LRP12: variants seen among roughly 807,000 people sequenced by gnomAD.
LRP12 encodes low-density lipoprotein receptor-related protein 12.
Under a neutral mutation model 66.0 loss-of-function variants are expected in LRP12, and 14 were observed. The ratio of observed to expected loss-of-function variants is 0.21; its 90% CI spans 0.14 to 0.33. The LOEUF (loss-of-function observed/expected upper bound fraction) is 0.33, where lower values mean the gene tolerates loss of function less well. Ranked by LOEUF, LRP12 falls within the 10% of genes least tolerant of loss-of-function variation. LRP12 has a pLI of 1.00. For missense variants in LRP12, 889 were observed against 1,053.4 expected (o/e 0.84, Z 2.16); for synonymous variants, 357 against 359.1 (o/e 0.99, Z 0.07).
intron 6 of LRP12, among the ~76,000 whole-genome samples, chr8:104,492,557 C>T (rs1406054144): frequency 1.3e-5 from 2 of 152,114 alleles, no homozygotes; most frequent in African/African-American, 4.8e-5. Flanking sequence ...AAAACTCACA[C>T]CTCTTCCCTT....
At chr8:104,565,875 T>C (rs1335054111) in intron 1 of LRP12, among the ~76,000 whole-genome samples, 7 of 114,234 alleles carry the variant, frequency 6.1e-5, no homozygotes, top group African/African-American at 1.9e-4. Context: ...AAAAAAAAAA[T>C]ACACACACAC....
intron 2 of LRP12, among the ~76,000 whole-genome samples, chr8:104,509,510 T>C (rs1406994478): frequency 6.6e-6 from 1 of 152,180 alleles, no homozygotes; most frequent in Non-Finnish European, 1.5e-5. Context: ...TACCCACCCA[T>C]TAGTTACTTA....
chr8:104,556,059 T>C (rs1265876602), intron 1 of LRP12, among the ~76,000 whole-genome samples: 3 of 152,150 alleles, frequency 2.0e-5, no homozygotes, highest in Admixed American at 1.3e-4. Flanking sequence ...TCCTGAATGA[T>C]AATTGGGTCA....
intron 3 of LRP12, chr8:104,504,951 A>T (rs1810883568): frequency 6.6e-6 from 1 of 152,176 alleles, no homozygotes; most frequent in African/African-American, 2.4e-5. Context: ...ATTACAATGG[A>T]TGTTAATCTT....
intron 1 of LRP12, among the ~76,000 whole-genome samples, chr8:104,586,507 A>T (rs1369917254): frequency 2.6e-5 from 4 of 152,198 alleles, no homozygotes; most frequent in Non-Finnish European, 5.9e-5. Context: ...ACACACACAC[A>T]CTTTTTACTG....
At chr8:104,513,538 G>T (rs754196302) in intron 2 of LRP12, among the ~76,000 whole-genome samples, 1 of 152,094 alleles carries the variant, frequency 6.6e-6, no homozygotes, top group Non-Finnish European at 1.5e-5. Context: ...CAGAAACCAT[G>T]CTAGCAGGAA....
intron 2 of LRP12, among the ~76,000 whole-genome samples, chr8:104,529,638 C>T (rs1442096829): frequency 6.6e-6 from 1 of 152,170 alleles, no homozygotes; most frequent in African/African-American, 2.4e-5. Flanking sequence ...AGTTCTCATA[C>T]TCTGTAATAA....
In LRP12 at chr8:104,497,707, C is replaced by T; in HGVS notation, c.845G>A (p.Gly282Glu). 6.2e-7 allele frequency: 1 copy of T among 1,613,900 alleles called. No homozygotes were observed. Among genetic ancestry groups the T allele is most frequent in the Middle Eastern group, 1.7e-4 (1 of 6,060 alleles). The change falls in exon 5 of 7, where the codon GGA becomes GAA. Residue 282 changes from glycine (G) to glutamate (E), a missense_variant. Coordinates refer to ENST00000276654, the MANE Select transcript of LRP12 (RefSeq NM_013437.5). The surrounding 1 kb of genome is among the most constrained non-coding windows in gnomAD (Gnocchi z 4.3). ...GTCTATTAACCAGGTGCAATTGCTT[C>T]CAGGAGGATAAAAGTCTGGATAATT... is the stretch of plus-strand genomic sequence containing the variant. ...SPNYPDFYPP[G>E]SNCTWLIDTG... is the part of the protein sequence containing the mutation.
intron 1 of LRP12, among the ~76,000 whole-genome samples, chr8:104,566,694 C>T (rs1455954083): frequency 1.3e-5 from 2 of 152,140 alleles, no homozygotes; most frequent in African/African-American, 4.8e-5. Context: ...AAAATTCCTA[C>T]AGCTCTTTAA....
chr8:104,570,540 A>G (rs1467439234), intron 1 of LRP12, among the ~76,000 whole-genome samples: 1 of 152,212 alleles, frequency 6.6e-6, no homozygotes, highest in Non-Finnish European at 1.5e-5. Context: ...AATCTTTTCA[A>G]CAAGTAGTGT....
intron 3 of LRP12, among the ~76,000 whole-genome samples, chr8:104,501,408 T>G (rs1358344140): frequency 6.6e-6 from 1 of 152,052 alleles, no homozygotes; most frequent in Non-Finnish European, 1.5e-5. Context: ...AAAATCCCTT[T>G]TATATTCTTG....
chr8:104,546,993 AATAT>A (rs904412930), intron 1 of LRP12, among the ~76,000 whole-genome samples: 4 of 144,134 alleles, frequency 2.8e-5, no homozygotes, highest in African/African-American at 1.0e-4. Flanking sequence ...TTTTGTATAT[AATAT>A]ATAATTATAT....
chr8:104,559,632 A>G (rs1310680987), intron 1 of LRP12, among the ~76,000 whole-genome samples: 6 of 152,136 alleles, frequency 3.9e-5, no homozygotes, highest in Admixed American at 2.0e-4. Flanking sequence ...TTTTAATTAA[A>G]AAAAAATAGT....
intron 1 of LRP12, among the ~76,000 whole-genome samples, chr8:104,585,191 T>G (rs1315511150): frequency 6.6e-6 from 1 of 152,182 alleles, no homozygotes; most frequent in African/African-American, 2.4e-5. Context: ...TATTGTAAAA[T>G]GATATACAAA....
rs1182993523 is a variant in LRP12, at chr8:104,508,950, G to T, written c.261C>A (p.Ile87=). The change falls in exon 3 of 7, where the codon ATC becomes ATA. Residue 87 remains isoleucine, a synonymous_variant. Transcript: ENST00000276654. ...AAAGGTAGAATTACCTTATAGTAATGATTTCGCCTGGGTTTGCCCTTATGA... is the reference window on the plus strand; with the variant it reads ...AAAGGTAGAATTACCTTATAGTAATTATTTCGCCTGGGTTTGCCCTTATGA... The part of the protein sequence containing the change: ...SWFIRANPGE[I]ITISFQDFDI... The T allele has an allele frequency of 3.1e-6, 5 of 1,612,722 alleles. No individual in the cohort carries two copies. Among genetic ancestry groups the T allele is most frequent in the Middle Eastern group, 1.7e-4 (1 of 6,052 alleles).
intron 1 of LRP12, among the ~76,000 whole-genome samples, chr8:104,586,769 C>A (rs1020119545): frequency 6.6e-6 from 1 of 152,096 alleles, no homozygotes; most frequent in Non-Finnish European, 1.5e-5. Context: ...TTTCTCAGTT[C>A]CAGGGTGAAG....
Position 104,489,646 on chromosome 8 carries a change from AAT to A in LRP12, c.*1025_*1026del, listed in dbSNP as rs1230652498. 6.6e-6 allele frequency: 1 copy of A among 152,190 alleles called. No individual in the cohort carries two copies. Among genetic ancestry groups the A allele is most frequent in the Non-Finnish European group, 1.5e-5 (1 of 68,012 alleles). 9.4% of individuals were successfully genotyped at this position (152,190 alleles called of 1,614,324 possible). On this transcript the variant is annotated 3_prime_UTR_variant, in exon 7 of 7. Transcript: ENST00000276654. ...ATGTATTTTTTAAATACAACAAATA[AAT>A]ATGAAACCAGCAAAGCAATTTCAAG... is the stretch of plus-strand genomic sequence containing the variant.
chr8:104,519,831 A>G (rs1344461437), intron 2 of LRP12, among the ~76,000 whole-genome samples: 3 of 152,026 alleles, frequency 2.0e-5, no homozygotes, highest in Non-Finnish European at 4.4e-5. Flanking sequence ...ATTAGTACCG[A>G]TATTTAAGAC....
At chr8:104,498,116 G>C (rs563617404) in intron 4 of LRP12, 40 bp from the exon 5 acceptor site, 12 of 1,502,526 alleles carry the variant, frequency 8.0e-6, no homozygotes, top group Non-Finnish European at 1.1e-5. Flanking sequence ...AAGAGAAGGA[G>C]AAAAATTATA....
Sources: gnomAD v4.1 joint callset for allele counts (sites outside exome capture counted in the v4.1 genomes callset) on GRCh38, gnomAD v4.1.1 for gene constraint, Gnocchi (gnomAD v3.1) non-coding constraint, MANE v1.5 for transcripts, NCBI Gene and HGNC (gene_info 2026-07-23, HGNC 2026-07-21) for gene names.